TUT7: variants seen among roughly 807,000 people sequenced by gnomAD.
The protein encoded by TUT7 is terminal uridylyltransferase 7.
TUT7 carries 33 observed loss-of-function variants against 165.9 expected under a neutral mutation model. That is an observed-to-expected ratio of 0.20 (90% CI 0.15 to 0.27). TUT7 has a LOEUF of 0.27. TUT7 is among the 10% of genes least tolerant of loss of function. TUT7 has a pLI of 1.00. For synonymous variants in TUT7, 552 were observed against 608.1 expected, an observed-to-expected ratio of 0.91 and a Z score of 1.36; for missense variants, 1,338 against 1,762.3, an observed-to-expected ratio of 0.76 and a Z score of 4.31.
rs73650944 is a variant in TUT7 at position 86,337,401 on chromosome 9, A to C, written c.1455+18T>G. The C allele has an allele frequency of 2.0e-4, 313 of 1,577,026 alleles. 1 individual carries two copies. In the African/African-American group the frequency reaches 4.0e-3, roughly 20 times the overall value. On this transcript the variant is annotated intron_variant, in intron 10 of 26. Transcript: ENST00000375963. ...ATAAAATCTGTTCAGATATATAAGC[A>C]AAAAAAATGTTTTATACCCATGATC... is the stretch of plus-strand genomic sequence containing the variant.
intron 14 of TUT7, among the ~76,000 whole-genome samples, chr9:86,320,239 T>TA (rs1237102704): frequency 0.016 from 847 of 51,622 alleles, 11 homozygotes; most frequent in African/African-American, 0.051. Context: ...GCTCATAATA[T>TA]AAAAAAAAAA....
chr9:86,319,575 A>T lies in TUT7; in HGVS notation c.3115+9T>A, dbSNP rs781432255. 6.4e-7 allele frequency: 1 copy of T among 1,572,480 alleles called. No homozygotes were observed. Among genetic ancestry groups the T allele is most frequent in the Admixed American group, 1.8e-5 (1 of 54,500 alleles). On this transcript the variant is annotated intron_variant, in intron 15 of 26. Transcript: ENST00000375963. Reference sequence around the variant, plus strand: ...TACTTTTCTTAAAAATAAAAAATAAATCATTTACCTGGAAAGTCCTGTCTT... The same window carrying T: ...TACTTTTCTTAAAAATAAAAAATAATTCATTTACCTGGAAAGTCCTGTCTT...
intron 4 of TUT7, 72 bp downstream of exon 4, chr9:86,345,597 A>C: frequency 8.9e-7 from 1 of 1,124,380 alleles, no homozygotes; most frequent in Non-Finnish European, 1.3e-6. Context: ...CTTAAGGAGA[A>C]GAAAGCCACA....
At chr9:86,339,332 C>T (rs1831122236) in intron 8 of TUT7, among the ~76,000 whole-genome samples, 1 of 152,114 alleles carries the variant, frequency 6.6e-6, no homozygotes, top group African/African-American at 2.4e-5. Context: ...CGAGACCATC[C>T]TGGGTGAAAC....
At chr9:86,292,939 A>G (rs1460979268) in intron 26 of TUT7, among the ~76,000 whole-genome samples, 2 of 152,234 alleles carry the variant, frequency 1.3e-5, no homozygotes, top group East Asian at 1.9e-4. Context: ...GTAATCTACT[A>G]TATCAGAAAA....
chr9:86,310,461 A>AT (rs1827944659), intron 18 of TUT7, among the ~76,000 whole-genome samples: 1 of 152,190 alleles, frequency 6.6e-6, no homozygotes, highest in Admixed American at 6.5e-5. Context: ...TTCAGTAGAT[A>AT]TAAGATCTCT....
chr9:86,297,504 T>C (rs1011645719), intron 26 of TUT7, among the ~76,000 whole-genome samples: 3 of 152,186 alleles, frequency 2.0e-5, no homozygotes, highest in Non-Finnish European at 2.9e-5. Flanking sequence ...TTTTTCCCTA[T>C]ATAAAGTGTT....
rs150701408 is a variant in TUT7 at position 86,344,998 on chromosome 9, C to A, written c.976G>T (p.Val326Leu). Residue 326 changes from valine to leucine, a missense_variant, in exon 5 of 27, where the codon GTG (valine) becomes TTG (leucine). Val to Leu is a conservative substitution (Grantham distance 32, BLOSUM62 1). Around this residue, in one of 7 missense-constraint regions of TUT7, gnomAD observed 434 missense variants for 480.8 expected, o/e 0.90. Transcript: ENST00000375963. ...RLEIKRIMEN[V>L]FQHKLPDCSL... ...ATACCTGGTAACTTGTGTTGGAACACATTTTCCATGATACGTTTAATTTCC... is the reference window on the plus strand; with the variant it reads ...ATACCTGGTAACTTGTGTTGGAACAAATTTTCCATGATACGTTTAATTTCC... 3.7e-4 allele frequency: 595 copies of A among 1,612,304 alleles called. No homozygotes were observed. The highest frequency in any genetic ancestry group is 4.9e-4 in the Non-Finnish European group (572 of 1,179,306).
intron 5 of TUT7, among the ~76,000 whole-genome samples, chr9:86,344,036 A>G (rs1310850063): frequency 6.6e-6 from 1 of 152,234 alleles, no homozygotes; most frequent in Non-Finnish European, 1.5e-5. Flanking sequence ...AAATACATGT[A>G]TAATAAAATG....
chr9:86,317,305 A>G, intron 16 of TUT7, 29 bp from the exon 17 acceptor site: 1 of 1,593,900 alleles, frequency 6.3e-7, no homozygotes, highest in Non-Finnish European at 8.6e-7. Context: ...AAAGAACTTA[A>G]CCAAAACTGG....
intron 5 of TUT7, 54 bp from the exon 6 acceptor site, chr9:86,343,217 G>C (rs556816519): frequency 2.2e-5 from 25 of 1,159,284 alleles, no homozygotes; most frequent in Non-Finnish European, 2.8e-5. Context: ...TTTCTCAAAA[G>C]TTATAACAAA....
At chr9:86,310,322 A>G (rs1388273742) in intron 18 of TUT7, among the ~76,000 whole-genome samples, 1 of 152,026 alleles carries the variant, frequency 6.6e-6, no homozygotes, top group African/African-American at 2.4e-5. Context: ...TTTTCCCTAA[A>G]GACAATCTTC....
At chr9:86,344,262 T>C (rs975653752) in intron 5 of TUT7, among the ~76,000 whole-genome samples, 9 of 152,014 alleles carry the variant, frequency 5.9e-5, no homozygotes, top group African/African-American at 2.2e-4. Context: ...TTGAGAATGA[T>C]GAAGCTATTC....
At chr9:86,321,447 G>C (rs779011174) in intron 14 of TUT7, among the ~76,000 whole-genome samples, 1 of 152,050 alleles carries the variant, frequency 6.6e-6, no homozygotes, top group African/African-American at 2.4e-5. Context: ...GAAACCTGCT[G>C]GCCAGGCGCC....
At chr9:86,353,324 C>A in intron 1 of TUT7, 94 bp from the exon 2 acceptor site, 1 of 1,028,582 alleles carries the variant, frequency 9.7e-7, no homozygotes, top group Non-Finnish European at 1.4e-6. Context: ...TGCCCCAAAG[C>A]CTGTAAGAAA....
intron 26 of TUT7, among the ~76,000 whole-genome samples, chr9:86,297,421 C>A (rs1826424571): frequency 6.6e-6 from 1 of 152,180 alleles, no homozygotes. Context: ...AGAAATTACA[C>A]CCACGTAATT....
intron 10 of TUT7, among the ~76,000 whole-genome samples, chr9:86,334,613 C>T (rs1254091288): frequency 6.6e-6 from 1 of 152,064 alleles, no homozygotes; most frequent in Non-Finnish European, 1.5e-5. Flanking sequence ...GTTGATTTTC[C>T]GTTTGTTCAG....
Position 86,320,259 on chromosome 9 carries a change from A to C in TUT7, c.3029-589T>G, listed in dbSNP as rs552771089. Among the ~76,000 whole-genome samples, 547 of 142,944 alleles carry C rather than the reference A, an allele frequency of 3.8e-3. 4 individuals are homozygous for C. The highest frequency in any genetic ancestry group is 0.02 in the South Asian group (93 of 4,710). 93.8% of individuals were successfully genotyped at this position (142,944 alleles called of 152,430 possible). A position where few individuals can be genotyped will look rare whatever the true frequency, so the allele number is the denominator to read the frequency against. ...TAATATAAAAAAAAAAAATTTCCCA[A>C]AAAAAAAAAAAAAAGGACTTGTTAA... is the stretch of plus-strand genomic sequence containing the variant. On this transcript the variant is annotated intron_variant, in intron 14 of 26. Coordinates refer to ENST00000375963, the MANE Select transcript of TUT7 (RefSeq NM_024617.4).
chr9:86,323,199 C>T lies in TUT7; in HGVS notation c.2551G>A (p.Asp851Asn), dbSNP rs139212809. 881 of 1,614,120 alleles carry T rather than the reference C, an allele frequency of 5.5e-4. 2 individuals are homozygous for T. The East Asian group carries it at 0.015, about 28-fold the overall frequency. ...MIPSDEEEED[D>N]EEEEEEEEPR... ...TCTTCTTCCTCCTCCTCTTCTTCGT[C>T]GTCCTCCTCCTCTTCATCAGAGGGA... The change falls in exon 13 of 27, where the codon GAC (aspartate) becomes AAC (asparagine). Residue 851 changes from aspartate to asparagine, a missense_variant. Around this residue, in one of 7 missense-constraint regions of TUT7, gnomAD observed 425 missense variants for 474.9 expected, o/e 0.89. Coordinates refer to ENST00000375963, the MANE Select transcript of TUT7 (RefSeq NM_024617.4).
Sources: gnomAD v4.1 joint callset for allele counts (sites outside exome capture counted in the v4.1 genomes callset) on GRCh38, gnomAD v4.1.1 for gene constraint, gnomAD v4.1.1 regional missense constraint, MANE v1.5 for transcripts, NCBI Gene and HGNC (gene_info 2026-07-23, HGNC 2026-07-21) for gene names.